Variants in EYS observed in about 807,000 individuals in gnomAD.
The protein encoded by EYS is EGF-like photoreceptor maintenance factor.
EYS carries 250 observed loss-of-function variants against 282.1 expected under a neutral mutation model. The ratio of observed to expected loss-of-function variants is 0.89; its 90% CI spans 0.80 to 0.98. The LOEUF (loss-of-function observed/expected upper bound fraction) is 0.98. Ranked by LOEUF, EYS falls within the 50% of genes least tolerant of loss-of-function variation. EYS has a pLI of 0.00. For missense variants in EYS, 4,016 were observed against 3,709.0 expected, an observed-to-expected ratio of 1.08 and a Z score of -2.15; for synonymous variants, 1,355 against 1,282.9, an observed-to-expected ratio of 1.06 and a Z score of -1.20.
chr6:65,508,535 G>T (rs372278843), intron 2 of EYS, among the ~76,000 whole-genome samples: 1 of 151,726 alleles, frequency 6.6e-6, no homozygotes, highest in Non-Finnish European at 1.5e-5. Context: ...TTAGCTGGGC[G>T]TGGTGGCAGG....
chr6:65,424,085 AT>A (rs1767572547), intron 5 of EYS, among the ~76,000 whole-genome samples: 1 of 151,788 alleles, frequency 6.6e-6, no homozygotes, highest in East Asian at 1.9e-4. Flanking sequence ...TTAACGTGAA[AT>A]TTGTGTCCTG....
chr6:65,375,895 A>G (rs767797035), intron 8 of EYS, among the ~76,000 whole-genome samples: 1 of 152,166 alleles, frequency 6.6e-6, no homozygotes, highest in Non-Finnish European at 1.5e-5. Flanking sequence ...GACCAAAGGT[A>G]TGATTGACTG....
intron 22 of EYS, among the ~76,000 whole-genome samples, chr6:64,792,507 TAC>T (rs1774221963): frequency 2.6e-5 from 4 of 152,032 alleles, no homozygotes; most frequent in Admixed American, 2.6e-4. Context: ...AGTTAAGCAG[TAC>T]CAAGCTGTGA....
At chr6:65,614,179 A>G (rs961498793) in intron 2 of EYS, among the ~76,000 whole-genome samples, 2 of 152,042 alleles carry the variant, frequency 1.3e-5, no homozygotes, top group Non-Finnish European at 2.9e-5. Context: ...TCTGAAATCT[A>G]TACAAATGCA....
chr6:65,101,962 A>C (rs182015773), intron 12 of EYS, among the ~76,000 whole-genome samples: 68 of 151,376 alleles, frequency 4.5e-4, no homozygotes, highest in African/African-American at 1.1e-3. Context: ...AACTTGAAAC[A>C]ATTTACCAGA....
chr6:63,827,616 G>A (rs1009584981), intron 36 of EYS, among the ~76,000 whole-genome samples: 45 of 152,122 alleles, frequency 3.0e-4, no homozygotes, highest in African/African-American at 9.9e-4. Context: ...AGGCCGAGGC[G>A]GGTGGATCAT....
chr6:65,349,229 T>G (rs1770509435), intron 9 of EYS, among the ~76,000 whole-genome samples: 2 of 151,542 alleles, frequency 1.3e-5, no homozygotes, highest in South Asian at 4.1e-4. Context: ...GTGCCATGCT[T>G]TTCATTAATG....
chr6:65,192,127 T>C (rs1765656109), intron 12 of EYS, among the ~76,000 whole-genome samples: 1 of 151,790 alleles, frequency 6.6e-6, no homozygotes, highest in Admixed American at 6.6e-5. Flanking sequence ...CTCAGTATGA[T>C]TAAACTGTTT....
At chr6:65,258,889 T>A (rs1449489957) in intron 12 of EYS, among the ~76,000 whole-genome samples, 1 of 152,040 alleles carries the variant, frequency 6.6e-6, no homozygotes, top group Non-Finnish European at 1.5e-5. Context: ...AAATCTCCCA[T>A]AAAAGTATTT....
intron 29 of EYS, among the ~76,000 whole-genome samples, chr6:64,343,811 C>T (rs918933858): frequency 6.6e-6 from 1 of 151,330 alleles, no homozygotes; most frequent in African/African-American, 2.4e-5. Context: ...GACTGCTAGC[C>T]AGACTAATAA....
At chr6:63,963,404 A>G (rs1049325746) in intron 35 of EYS, among the ~76,000 whole-genome samples, 6 of 152,220 alleles carry the variant, frequency 3.9e-5, no homozygotes, top group African/African-American at 1.4e-4. Flanking sequence ...ATACAAGGAG[A>G]AAAGAAATAT....
chr6:64,361,343 C>T (rs143763769), intron 29 of EYS, among the ~76,000 whole-genome samples: 19 of 151,254 alleles, frequency 1.3e-4, no homozygotes, highest in African/African-American at 3.4e-4. Flanking sequence ...GACTGCAGAG[C>T]GATATGATAA....
intron 2 of EYS, among the ~76,000 whole-genome samples, chr6:65,505,155 G>A (rs1008518249): frequency 2.0e-5 from 3 of 151,820 alleles, no homozygotes; most frequent in Middle Eastern, 6.8e-3. Context: ...CAAGAAATTT[G>A]TCTATTTTAT....
intron 2 of EYS, among the ~76,000 whole-genome samples, chr6:65,554,145 G>A (rs1768702699): frequency 6.6e-6 from 1 of 152,078 alleles, no homozygotes; most frequent in Admixed American, 6.6e-5. Flanking sequence ...TCCTGTCACT[G>A]GATCTCTGTC....
chr6:64,966,499 C>G (rs1426798925), intron 14 of EYS, among the ~76,000 whole-genome samples: 1 of 152,116 alleles, frequency 6.6e-6, no homozygotes, highest in Non-Finnish European at 1.5e-5. Context: ...ATCTGCTTCT[C>G]TTTATGTGAG....
At chr6:63,762,663 G>A (rs1054531221) in intron 40 of EYS, 30 bp from the exon 41 acceptor site, 2 of 1,545,346 alleles carry the variant, frequency 1.3e-6, no homozygotes, top group Admixed American at 4.0e-5. Context: ...CGCATGGTTT[G>A]AGCACTTGTT....
At chr6:65,077,924 C>T (rs1405154423) in intron 12 of EYS, among the ~76,000 whole-genome samples, 1 of 152,048 alleles carries the variant, frequency 6.6e-6, no homozygotes, top group Admixed American at 6.6e-5. Flanking sequence ...CAGATGCTTT[C>T]AGTTGTTGTA....
At chr6:64,664,264 C>T (rs1769151754) in intron 22 of EYS, among the ~76,000 whole-genome samples, 2 of 152,310 alleles carry the variant, frequency 1.3e-5, no homozygotes, top group South Asian at 4.1e-4. Context: ...TTGTCCCTTC[C>T]CCTGTGCTCT....
At chr6:65,607,255 G>A (rs1253925971) in intron 2 of EYS, among the ~76,000 whole-genome samples, 1 of 151,600 alleles carries the variant, frequency 6.6e-6, no homozygotes. Flanking sequence ...TTGTCATAAA[G>A]GTTGGCACTC....
Sources: allele counts gnomAD v4.1 joint callset (sites outside exome capture counted in the v4.1 genomes callset), GRCh38; gene constraint gnomAD v4.1.1; transcripts MANE v1.5; gene names NCBI Gene and HGNC (gene_info 2026-07-23, HGNC 2026-07-21).